ADAMTS12: variants seen among roughly 807,000 people sequenced by gnomAD.
ADAMTS12 encodes ADAM metallopeptidase with thrombospondin type 1 motif 12.
ADAMTS12 carries 118 observed loss-of-function variants against 167.8 expected under a neutral mutation model. The observed-to-expected ratio is 0.70, with a 90% CI of 0.61 to 0.82. The LOEUF (loss-of-function observed/expected upper bound fraction) is 0.82. Ranked by LOEUF, ADAMTS12 falls within the 40% of genes least tolerant of loss-of-function variation. ADAMTS12 has a pLI of 0.00. For missense variants in ADAMTS12, 1,916 were observed against 1,998.8 expected (o/e 0.96, Z 0.79); for synonymous variants, 704 against 716.9 (o/e 0.98, Z 0.29).
At chr5:33,819,227 A>AC (rs1747782528) in intron 2 of ADAMTS12, among the ~76,000 whole-genome samples, 1 of 152,128 alleles carries the variant, frequency 6.6e-6, no homozygotes, top group African/African-American at 2.4e-5. Context: ...TTTAAGTTTT[A>AC]CATTTAGATC....
At chr5:33,803,392 C>T (rs766336590) in intron 2 of ADAMTS12, among the ~76,000 whole-genome samples, 2 of 152,170 alleles carry the variant, frequency 1.3e-5, no homozygotes, top group Admixed American at 6.5e-5. Flanking sequence ...GTGGTAAATG[C>T]TACCTTGGTT....
chr5:33,639,510 G>A (rs1186894040), intron 11 of ADAMTS12, among the ~76,000 whole-genome samples: 1 of 152,202 alleles, frequency 6.6e-6, no homozygotes, highest in Non-Finnish European at 1.5e-5. Context: ...GGTCTTAAAG[G>A]ACGACTGGAA....
intron 14 of ADAMTS12, among the ~76,000 whole-genome samples, chr5:33,617,718 G>T (rs960948526): frequency 2.6e-5 from 4 of 152,050 alleles, no homozygotes; most frequent in African/African-American, 9.7e-5. Flanking sequence ...CAGAGCTCAT[G>T]CAGGTAAATG....
intron 2 of ADAMTS12, among the ~76,000 whole-genome samples, chr5:33,769,374 C>A (rs995666554): frequency 6.6e-6 from 1 of 152,106 alleles, no homozygotes; most frequent in Non-Finnish European, 1.5e-5. Context: ...CCGTGCCAAC[C>A]AGAATTGGGT....
intron 3 of ADAMTS12, among the ~76,000 whole-genome samples, chr5:33,738,350 A>G (rs1744441300): frequency 6.6e-6 from 1 of 152,130 alleles, no homozygotes; most frequent in Non-Finnish European, 1.5e-5. Context: ...AAAGTACAGA[A>G]TCTTGCCAAT....
chr5:33,796,820 A>G (rs745671212), intron 2 of ADAMTS12, among the ~76,000 whole-genome samples: 20 of 152,220 alleles, frequency 1.3e-4, no homozygotes, highest in Non-Finnish European at 2.6e-4. Flanking sequence ...CCCCAAAGCC[A>G]AACTTCACCC....
Position 33,649,579 on chromosome 5 carries a change from C to T in ADAMTS12, c.1309G>A (p.Glu437Lys), listed in dbSNP as rs201048470. Residue 437 changes from glutamate (E) to lysine (K), a missense_variant, in exon 8 of 24, where the codon GAG (glutamate) becomes AAG (lysine). Transcript: ENST00000504830. ...PTPLTWSKCSEEYITRFLDRG... is the reference protein window; with the variant it reads ...PTPLTWSKCSKEYITRFLDRG... ...TCCAAGAAGCGGGTGATGTACTCCT[C>T]GCTGCACTTGGACCATGTCAGCGGA... The T allele has an allele frequency of 6.3e-5, 101 of 1,613,906 alleles. No individual in the cohort carries two copies. The highest frequency in any genetic ancestry group is 1.7e-4 in the Middle Eastern group (1 of 6,048).
chr5:33,584,830 T>G (rs527480087), intron 18 of ADAMTS12, among the ~76,000 whole-genome samples: 1 of 152,234 alleles, frequency 6.6e-6, no homozygotes. Context: ...TGTTGGTTCA[T>G]AATTGAGCAA....
intron 2 of ADAMTS12, among the ~76,000 whole-genome samples, chr5:33,853,462 G>A (rs1334989068): frequency 6.6e-6 from 1 of 152,200 alleles, no homozygotes; most frequent in East Asian, 1.9e-4. Flanking sequence ...CAAAGACACA[G>A]ATTTGAACAT....
At chr5:33,620,918 T>C (rs955547387) in intron 14 of ADAMTS12, among the ~76,000 whole-genome samples, 6 of 152,136 alleles carry the variant, frequency 3.9e-5, no homozygotes, top group African/African-American at 1.4e-4. Flanking sequence ...TATTCAAGGG[T>C]CAACTGTATT....
At chr5:33,569,529 G>A (rs1309002382) in intron 19 of ADAMTS12, among the ~76,000 whole-genome samples, 1 of 152,216 alleles carries the variant, frequency 6.6e-6, no homozygotes, top group South Asian at 2.1e-4. Flanking sequence ...ACCTGCAGCT[G>A]AGGGTCCTGT....
chr5:33,787,401 T>G (rs1047791314), intron 2 of ADAMTS12, among the ~76,000 whole-genome samples: 2 of 152,258 alleles, frequency 1.3e-5, no homozygotes, highest in Non-Finnish European at 2.9e-5. Flanking sequence ...CATTCCTAAA[T>G]CTGCCTAGCA....
chr5:33,869,079 T>TGCA (rs1749938646), intron 2 of ADAMTS12, among the ~76,000 whole-genome samples: 1 of 152,194 alleles, frequency 6.6e-6, no homozygotes. Context: ...TAGAGACCTC[T>TGCA]GCAGCAGCTG....
Position 33,723,056 on chromosome 5 carries a change from C to T in ADAMTS12, c.634+28348G>A, listed in dbSNP as rs183567842. Among the ~76,000 whole-genome samples the T allele has an allele frequency of 1.1e-3, 161 of 152,206 alleles. 2 individuals are homozygous for T. The Middle Eastern group carries it at 0.02, about 19-fold the overall frequency. ...GGGTCAAGGCAGGACAGTGCTGTGG[C>T]CCTGATGGATGGCTTTGAAAGCTCA... On this transcript the variant is annotated intron_variant, in intron 3 of 23. Transcript: ENST00000504830.
intron 19 of ADAMTS12, among the ~76,000 whole-genome samples, chr5:33,573,359 G>C (rs1356437474): frequency 6.6e-6 from 1 of 152,136 alleles, no homozygotes; most frequent in African/African-American, 2.4e-5. Flanking sequence ...ATACTACAAG[G>C]CTACAGTAAT....
intron 3 of ADAMTS12, among the ~76,000 whole-genome samples, chr5:33,705,150 T>A (rs1743145932): frequency 1.3e-5 from 2 of 152,138 alleles, no homozygotes; most frequent in South Asian, 4.2e-4. Context: ...GTAGAACATA[T>A]CGTGTTTGGT....
chr5:33,695,358 A>G (rs1742716923), intron 3 of ADAMTS12, among the ~76,000 whole-genome samples: 1 of 152,224 alleles, frequency 6.6e-6, no homozygotes, highest in Non-Finnish European at 1.5e-5. Flanking sequence ...GTATTTTTTC[A>G]TTCTCTTTTT....
chr5:33,594,685 G>A (rs1374557719), intron 17 of ADAMTS12, among the ~76,000 whole-genome samples: 2 of 152,194 alleles, frequency 1.3e-5, no homozygotes, highest in Admixed American at 6.5e-5. Flanking sequence ...GAGAGGCAAT[G>A]ACACATTTCT....
At chr5:33,656,535 G>A (rs545525267) in intron 7 of ADAMTS12, among the ~76,000 whole-genome samples, 2 of 152,298 alleles carry the variant, frequency 1.3e-5, no homozygotes, top group East Asian at 3.9e-4. Context: ...CTTGAGGATA[G>A]AAAGAATCCA....
Sources: gnomAD v4.1 joint callset for allele counts (sites outside exome capture counted in the v4.1 genomes callset) on GRCh38, gnomAD v4.1.1 for gene constraint, MANE v1.5 for transcripts, NCBI Gene and HGNC (gene_info 2026-07-23, HGNC 2026-07-21) for gene names.